The following THSD4 variants were observed in gnomAD, a reference collection of about 807,000 sequenced individuals.
THSD4 encodes the protein thrombospondin type-1 domain-containing protein 4.
Under a neutral mutation model 119.0 loss-of-function variants are expected in THSD4, and 69 were observed. The ratio of observed to expected loss-of-function variants is 0.58; its 90% CI spans 0.48 to 0.71. The LOEUF is 0.71. THSD4 is among the 30% of genes least tolerant of loss of function. The pLI is 0.00. For synonymous variants in THSD4, 524 were observed against 540.4 expected (o/e 0.97, Z 0.42); for missense variants, 1,393 against 1,391.1 (o/e 1.00, Z -0.02).
At position 71,341,826 on chromosome 15, in the gene THSD4, G is replaced by A. The variant is rs1036671340; in HGVS notation, c.1016-69861G>A. On this transcript the variant is annotated intron_variant, in intron 6 of 17. Coordinates refer to ENST00000261862, the MANE Select transcript of THSD4 (RefSeq NM_024817.3). Reference sequence around the variant, plus strand: ...TCCTTCCTTCCTTTCCTTTCATTTGGTTTATTTCCACCTACTAGGTTTTTA... The same window carrying A: ...TCCTTCCTTCCTTTCCTTTCATTTGATTTATTTCCACCTACTAGGTTTTTA... 4 of 706,752 alleles carry A rather than the reference G, an allele frequency of 5.7e-6. No individual in the cohort carries two copies. The Admixed American group carries it at 8.5e-5, about 15-fold the overall frequency. The allele number at this position is 706,752 out of a possible 1,614,324, so 43.8% of individuals were successfully genotyped here.
chr15:71,245,145 G>A (rs948446104), intron 5 of THSD4, among the ~76,000 whole-genome samples: 3 of 152,076 alleles, frequency 2.0e-5, no homozygotes, highest in Admixed American at 6.6e-5. Flanking sequence ...TTTGGATGAA[G>A]GCAAAATAAA....
intron 7 of THSD4, among the ~76,000 whole-genome samples, chr15:71,476,100 C>T (rs2047651602): frequency 6.6e-6 from 1 of 152,128 alleles, no homozygotes; most frequent in South Asian, 2.1e-4. Flanking sequence ...TTGTGATGAC[C>T]AAATAAAGTA....
At chr15:71,624,035 A>T (rs2050465344) in intron 7 of THSD4, among the ~76,000 whole-genome samples, 1 of 152,222 alleles carries the variant, frequency 6.6e-6, no homozygotes. Flanking sequence ...AGACTTTGAG[A>T]TTTGTCTGCA....
chr15:71,369,993 T>C (rs1204838006), intron 6 of THSD4, among the ~76,000 whole-genome samples: 1 of 152,200 alleles, frequency 6.6e-6, no homozygotes, highest in African/African-American at 2.4e-5. Context: ...TTCAACTTCT[T>C]CCTGGTTTAG....
At chr15:71,768,816 G>T (rs953665167) in intron 16 of THSD4, among the ~76,000 whole-genome samples, 40 of 149,616 alleles carry the variant, frequency 2.7e-4, no homozygotes, top group Admixed American at 6.7e-4. Flanking sequence ...CTTCTGACCT[G>T]CTCTGCCCGC....
At chr15:71,713,517 TGTC>T (rs2052553448) in intron 8 of THSD4, among the ~76,000 whole-genome samples, 1 of 152,244 alleles carries the variant, frequency 6.6e-6, no homozygotes, top group Non-Finnish European at 1.5e-5. Flanking sequence ...GTTTTATTGA[TGTC>T]ATGCTCGAAT....
chr15:71,417,837 A>T (rs115744345), intron 7 of THSD4, among the ~76,000 whole-genome samples: 1,202 of 108,548 alleles, frequency 0.011, 326 homozygotes, highest in African/African-American at 0.036. Flanking sequence ...TTTTATGGAC[A>T]TTTTAGCAAT....
intron 6 of THSD4, among the ~76,000 whole-genome samples, chr15:71,331,442 G>C (rs1489613414): frequency 8.5e-5 from 13 of 152,310 alleles, no homozygotes; most frequent in Non-Finnish European, 1.8e-4. Flanking sequence ...CTCCAGCCCA[G>C]AACAGATTAA....
At chr15:71,532,283 A>AGAGAGAGAGAGTGTGTGTGT (rs1379506089) in intron 7 of THSD4, among the ~76,000 whole-genome samples, 1 of 101,574 alleles carries the variant, frequency 9.8e-6, no homozygotes, top group Non-Finnish European at 2.1e-5. Flanking sequence ...AGAGAGAGAG[A>AGAGAGAGAGAGTGTGTGTGT]GTGTGTGTGT....
intron 4 of THSD4, among the ~76,000 whole-genome samples, chr15:71,229,706 G>T (rs910202145): frequency 6.6e-6 from 1 of 152,164 alleles, no homozygotes; most frequent in African/African-American, 2.4e-5. Flanking sequence ...TTTATGGATA[G>T]GTAAACTCGA....
chr15:71,529,607 G>A (rs1362594701), intron 7 of THSD4, among the ~76,000 whole-genome samples: 2 of 152,172 alleles, frequency 1.3e-5, no homozygotes, highest in African/African-American at 4.8e-5. Flanking sequence ...CAGGTGCTAG[G>A]TTGAGAAGGG....
chr15:71,588,653 C>T (rs1416408115), intron 7 of THSD4, among the ~76,000 whole-genome samples: 1 of 152,084 alleles, frequency 6.6e-6, no homozygotes, highest in African/African-American at 2.4e-5. Flanking sequence ...AGGCTGGTCT[C>T]GAATTCCTGG....
rs149254374 is a variant in THSD4, at chr15:71,331,740, G to A, written c.1015+75025G>A. Among the ~76,000 whole-genome samples, 501 of 152,254 alleles carry A rather than the reference G, an allele frequency of 3.3e-3. 9 individuals are homozygous for A. The highest frequency in any genetic ancestry group is 1.6e-3 in the Non-Finnish European group (112 of 68,020). On this transcript the variant is annotated intron_variant, in intron 6 of 17. Transcript: ENST00000261862. ...TCAGGGCCCATCTCCAGGACTTTTT[G>A]TGGAGGGAATGGGAGGCCTCTGTGG... is the stretch of plus-strand genomic sequence containing the variant.
intron 6 of THSD4, among the ~76,000 whole-genome samples, chr15:71,385,869 C>T (rs983644580): frequency 2.0e-5 from 3 of 152,018 alleles, no homozygotes; most frequent in African/African-American, 4.8e-5. Flanking sequence ...GATGGGGGTC[C>T]GGAAAGCTGC....
At chr15:71,265,771 G>C (rs866232693) in intron 6 of THSD4, among the ~76,000 whole-genome samples, 8 of 152,280 alleles carry the variant, frequency 5.3e-5, no homozygotes, top group Middle Eastern at 3.4e-3. Flanking sequence ...TTTGTGGGGG[G>C]GGAGGGGCAT....
intron 3 of THSD4, among the ~76,000 whole-genome samples, chr15:71,211,530 G>A (rs568640790): frequency 6.6e-6 from 1 of 152,070 alleles, no homozygotes; most frequent in South Asian, 2.1e-4. Context: ...CTATCATGGG[G>A]GCCTCACCCT....
intron 7 of THSD4, among the ~76,000 whole-genome samples, chr15:71,427,326 T>G (rs2140526246): frequency 6.6e-6 from 1 of 151,952 alleles, no homozygotes; most frequent in East Asian, 1.9e-4. Context: ...GCTTAAAACC[T>G]AGTGGGAAAA....
chr15:71,255,849 G>A (rs1162798277), intron 5 of THSD4, among the ~76,000 whole-genome samples: 1 of 152,192 alleles, frequency 6.6e-6, no homozygotes, highest in African/African-American at 2.4e-5. Context: ...GTTTAAAGTA[G>A]TGCCTGGCAA....
At position 71,755,891 on chromosome 15, in the gene THSD4, A is replaced by C. The variant is rs141085855; in HGVS notation, c.2416-2011A>C. Reference sequence around the variant, plus strand: ...TTGAGGTGAGCCTTAAAGGCTTCTGATCTGTCCAGTGAAGGGAAAGAGCAT... The same window carrying C: ...TTGAGGTGAGCCTTAAAGGCTTCTGCTCTGTCCAGTGAAGGGAAAGAGCAT... On this transcript the variant is annotated intron_variant, in intron 14 of 17. Transcript: ENST00000261862. 4.9e-3 allele frequency among the ~76,000 whole-genome samples: 753 copies of C among 152,240 alleles called. 5 individuals carry two copies. The highest frequency in any genetic ancestry group is 0.016 in the African/African-American group (664 of 41,548).
Sources: gnomAD v4.1 joint callset for allele counts (sites outside exome capture counted in the v4.1 genomes callset) on GRCh38, gnomAD v4.1.1 for gene constraint, MANE v1.5 for transcripts, NCBI Gene and HGNC (gene_info 2026-07-23, HGNC 2026-07-21) for gene names.